The following SV2C variants were observed in gnomAD, a reference collection of about 807,000 sequenced individuals.
SV2C encodes the protein solute carrier family 22 member B3.
A neutral mutation model predicts 79.7 loss-of-function variants in SV2C; 49 were observed. That is an observed-to-expected ratio of 0.61 (90% CI 0.49 to 0.78). SV2C has a LOEUF of 0.78. Ranked by LOEUF, SV2C falls within the 30% of genes least tolerant of loss-of-function variation. The pLI, the probability that SV2C is intolerant of heterozygous loss-of-function variation, is 0.00. For missense variants in SV2C, 833 were observed against 912.9 expected (o/e 0.91, Z 1.13); for synonymous variants, 334 against 333.2 (o/e 1.00, Z -0.03).
chr5:75,850,296 C>T, the SV2C span, among the ~76,000 whole-genome samples: 1 of 152,142 alleles, frequency 6.6e-6, no homozygotes, highest in Non-Finnish European at 1.5e-5. Flanking sequence ...AAAATGTATA[C>T]ACACACCGTT....
the SV2C span, chr5:75,911,403 G>A: frequency 3.3e-3 from 3,648 of 1,111,432 alleles, 33 homozygotes; most frequent in East Asian, 0.03. Flanking sequence ...TCCAGAGGAC[G>A]TCAGCACCCC....
the SV2C span, among the ~76,000 whole-genome samples, chr5:75,984,625 T>A: frequency 1.4e-5 from 2 of 146,630 alleles, no homozygotes; most frequent in African/African-American, 5.1e-5. Context: ...CTATCTATCA[T>A]CTATCTGTCA....
At chr5:75,891,027 A>AT in the SV2C span, among the ~76,000 whole-genome samples, 1 of 151,942 alleles carries the variant, frequency 6.6e-6, no homozygotes. Flanking sequence ...ATCTCGTCCT[A>AT]TTTTTTGTTT....
At chr5:76,170,002 CAAT>C (rs1460364522) in intron 2 of SV2C, among the ~76,000 whole-genome samples, 2 of 147,292 alleles carry the variant, frequency 1.4e-5, no homozygotes, top group African/African-American at 4.9e-5. Flanking sequence ...AAATAAATAA[CAAT>C]TTTCTCTACA....
upstream of SV2C, chr5:76,078,807 A>G: frequency 1.7e-6 from 1 of 586,030 alleles, no homozygotes; most frequent in East Asian, 4.3e-5. Flanking sequence ...ATGGCTAGTT[A>G]GCAACCTACA....
At chr5:75,953,436 C>T in the SV2C span, among the ~76,000 whole-genome samples, 1 of 151,932 alleles carries the variant, frequency 6.6e-6, no homozygotes, top group Non-Finnish European at 1.5e-5. Context: ...TTTCATAAAA[C>T]CTGTTTCTTT....
chr5:76,203,381 T>TAAG (rs1744511915), intron 3 of SV2C, among the ~76,000 whole-genome samples: 1 of 152,190 alleles, frequency 6.6e-6, no homozygotes, highest in Non-Finnish European at 1.5e-5. Context: ...TGAGGAAATG[T>TAAG]ATACAGCAAG....
intron 4 of SV2C, among the ~76,000 whole-genome samples, chr5:76,257,938 T>C (rs567670502): frequency 6.8e-6 from 1 of 147,774 alleles, no homozygotes; most frequent in African/African-American, 2.5e-5. Context: ...TGTATGTGTG[T>C]GGTGTATGTG....
At chr5:75,997,502 C>T in the SV2C span, among the ~76,000 whole-genome samples, 4 of 151,994 alleles carry the variant, frequency 2.6e-5, no homozygotes, top group Non-Finnish European at 5.9e-5. Flanking sequence ...AAGAAAAAAA[C>T]AAACAACCCC....
intron 4 of SV2C, among the ~76,000 whole-genome samples, chr5:76,241,706 C>T (rs905207130): frequency 4.0e-5 from 6 of 151,796 alleles, no homozygotes; most frequent in African/African-American, 1.5e-4. Flanking sequence ...TTTTCTATAC[C>T]ACAAGGCTTT....
chr5:76,029,516 A>G, the SV2C span, among the ~76,000 whole-genome samples: 5 of 152,022 alleles, frequency 3.3e-5, no homozygotes, highest in African/African-American at 1.2e-4. Flanking sequence ...GTGATTCCTC[A>G]ACCAAAATCT....
At chr5:75,928,381 C>A in the SV2C span, among the ~76,000 whole-genome samples, 3 of 152,142 alleles carry the variant, frequency 2.0e-5, no homozygotes, top group Admixed American at 6.5e-5. Flanking sequence ...GCCCTGAAAA[C>A]GCCCGGGAGA....
chr5:75,872,489 T>G, the SV2C span, among the ~76,000 whole-genome samples: 6 of 152,078 alleles, frequency 3.9e-5, no homozygotes, highest in African/African-American at 1.4e-4. Context: ...GATACAGTAT[T>G]TAAAACAGTA....
At chr5:75,912,398 C>T in the SV2C span, among the ~76,000 whole-genome samples, 5,071 of 152,038 alleles carry the variant, frequency 0.033, 270 homozygotes, top group African/African-American at 0.11. Flanking sequence ...GAGGCTGAGA[C>T]GGGAGGATGA....
intron 2 of SV2C, among the ~76,000 whole-genome samples, chr5:76,143,401 A>G (rs1218029746): frequency 1.3e-5 from 2 of 152,110 alleles, no homozygotes; most frequent in African/African-American, 4.8e-5. Flanking sequence ...GTCCAACTCT[A>G]TGTTAGCATT....
the SV2C span, among the ~76,000 whole-genome samples, chr5:76,040,187 C>A: frequency 2.0e-3 from 308 of 152,216 alleles, no homozygotes; most frequent in Middle Eastern, 6.8e-3. Context: ...AGACTAGTAG[C>A]ATATCAACTA....
chr5:76,296,443 A>T (rs1035907283), intron 9 of SV2C, among the ~76,000 whole-genome samples: 5 of 152,190 alleles, frequency 3.3e-5, no homozygotes, highest in Non-Finnish European at 7.3e-5. Context: ...GAGAACAGGA[A>T]TCATTCCCCA....
At chr5:76,319,977 T>C (rs1434868285) in intron 12 of SV2C, among the ~76,000 whole-genome samples, 1 of 152,126 alleles carries the variant, frequency 6.6e-6, no homozygotes, top group African/African-American at 2.4e-5. Context: ...ATATATCTGG[T>C]CATTTATGAC....
At chr5:76,170,683 T>C (rs1743193890) in intron 2 of SV2C, among the ~76,000 whole-genome samples, 1 of 149,860 alleles carries the variant, frequency 6.7e-6, no homozygotes, top group Non-Finnish European at 1.5e-5. Context: ...AGGCAACGTC[T>C]TTAATCTAAG....
Sources: allele counts gnomAD v4.1 joint callset (sites outside exome capture counted in the v4.1 genomes callset), GRCh38; gene constraint gnomAD v4.1.1; transcripts MANE v1.5; gene names NCBI Gene and HGNC (gene_info 2026-07-23, HGNC 2026-07-21).